The following PTPRD variants were observed in gnomAD, a reference collection of about 807,000 sequenced individuals.
The protein encoded by PTPRD is protein tyrosine phosphatase receptor type D.
A neutral mutation model predicts 214.5 loss-of-function variants in PTPRD; 34 were observed. The ratio of observed to expected loss-of-function variants is 0.16; its 90% CI spans 0.12 to 0.21. The LOEUF (loss-of-function observed/expected upper bound fraction) is 0.21, where lower values mean the gene tolerates loss of function less well. PTPRD is among the 10% of genes least tolerant of loss of function. The pLI is 1.00. For missense variants in PTPRD, 2,545 were observed against 2,398.7 expected, an observed-to-expected ratio of 1.06 and a Z score of -1.27; for synonymous variants, 1,128 against 845.7, an observed-to-expected ratio of 1.33 and a Z score of -5.79.
intron 8 of PTPRD, among the ~76,000 whole-genome samples, chr9:9,556,387 T>C (rs887972094): frequency 6.6e-6 from 1 of 152,004 alleles, no homozygotes; most frequent in African/African-American, 2.4e-5. Flanking sequence ...AGGAGGCACG[T>C]TTGGTGTAAC....
At chr9:9,435,268 T>C (rs1227161825) in intron 8 of PTPRD, among the ~76,000 whole-genome samples, 1 of 152,094 alleles carries the variant, frequency 6.6e-6, no homozygotes, top group Admixed American at 6.6e-5. Flanking sequence ...CTCAGCACTT[T>C]GGGAAGCTGA....
At chr9:8,449,530 C>G (rs1469344454) in intron 34 of PTPRD, among the ~76,000 whole-genome samples, 195 bp downstream of exon 34, 3 of 152,146 alleles carry the variant, frequency 2.0e-5, no homozygotes, top group Non-Finnish European at 4.4e-5. Flanking sequence ...TCTTCCCTAC[C>G]CAATTTCCGG....
intron 3 of PTPRD, among the ~76,000 whole-genome samples, chr9:10,246,631 A>C (rs2092151146): frequency 6.6e-6 from 1 of 152,178 alleles, no homozygotes; most frequent in Non-Finnish European, 1.5e-5. Flanking sequence ...GATGATGCCT[A>C]TGACGACAGT....
At chr9:10,438,473 G>C (rs72698989) in intron 2 of PTPRD, among the ~76,000 whole-genome samples, 34 of 151,822 alleles carry the variant, frequency 2.2e-4, no homozygotes, top group Non-Finnish European at 4.4e-4. Flanking sequence ...AGGAAAATCA[G>C]AGATAGACTT....
At chr9:9,362,611 C>G (rs1016164853) in intron 9 of PTPRD, among the ~76,000 whole-genome samples, 4 of 151,206 alleles carry the variant, frequency 2.6e-5, no homozygotes, top group African/African-American at 9.7e-5. Context: ...GGCATACTCT[C>G]TGTTCTTGAA....
intron 5 of PTPRD, among the ~76,000 whole-genome samples, chr9:9,896,879 C>A (rs2075119689): frequency 6.6e-6 from 1 of 151,890 alleles, no homozygotes; most frequent in African/African-American, 2.4e-5. Context: ...AACTGGAGAT[C>A]CATCCACTAA....
intron 5 of PTPRD, among the ~76,000 whole-genome samples, chr9:9,916,036 A>G (rs1248444933): frequency 6.6e-6 from 1 of 151,924 alleles, no homozygotes; most frequent in Non-Finnish European, 1.5e-5. Context: ...CAGAAACCTT[A>G]GAGGCAAGGA....
intron 11 of PTPRD, among the ~76,000 whole-genome samples, chr9:8,777,424 C>T (rs2095529550): frequency 6.6e-6 from 1 of 152,156 alleles, no homozygotes; most frequent in Admixed American, 6.5e-5. Flanking sequence ...AACAGCAAGA[C>T]ATTTTTACGT....
chr9:9,888,037 T>G (rs2071644660), intron 5 of PTPRD, among the ~76,000 whole-genome samples: 1 of 152,050 alleles, frequency 6.6e-6, no homozygotes, highest in African/African-American at 2.4e-5. Flanking sequence ...AACTGGCCCG[T>G]TAGCAAGGAT....
Position 8,315,709 on chromosome 9 carries a change from C to G in PTPRD, c.*2165G>C, listed in dbSNP as rs1056475159. ...AATACAATGCTTGCAAATGTTTGGT[C>G]TCTTGGATTTCACTCTGCTAGCAAT... On this transcript the variant is annotated 3_prime_UTR_variant, in exon 46 of 46. Transcript: ENST00000381196. The G allele has an allele frequency of 1.3e-5, 3 of 227,934 alleles. No homozygotes were observed. Among genetic ancestry groups the G allele is most frequent in the Non-Finnish European group, 2.6e-5 (3 of 114,822 alleles). 14.1% of individuals were successfully genotyped at this position (227,934 alleles called of 1,614,324 possible).
At chr9:10,549,687 A>G (rs2131020718) in intron 2 of PTPRD, among the ~76,000 whole-genome samples, 1 of 152,274 alleles carries the variant, frequency 6.6e-6, no homozygotes, top group African/African-American at 2.4e-5. Flanking sequence ...CTAGTCTGAG[A>G]GTATAAATCC....
chr9:9,464,089 G>T (rs1049035631), intron 8 of PTPRD, among the ~76,000 whole-genome samples: 1 of 152,134 alleles, frequency 6.6e-6, no homozygotes. Flanking sequence ...TTGAAGAGAT[G>T]GATTTGAGTC....
At chr9:8,389,436 G>T (rs2088586625) in intron 36 of PTPRD, 29 bp from the exon 37 acceptor site, 1 of 1,575,930 alleles carries the variant, frequency 6.3e-7, no homozygotes, top group Non-Finnish European at 8.6e-7. Flanking sequence ...TATTCAACCA[G>T]GTGAGCACAT....
At chr9:8,570,804 G>A (rs1177272243) in intron 14 of PTPRD, among the ~76,000 whole-genome samples, 1 of 151,888 alleles carries the variant, frequency 6.6e-6, no homozygotes, top group African/African-American at 2.4e-5. Context: ...CTCTTTGTCT[G>A]CACAAAGCAC....
At chr9:9,021,255 T>G (rs2154369871) in intron 10 of PTPRD, among the ~76,000 whole-genome samples, 1 of 152,228 alleles carries the variant, frequency 6.6e-6, no homozygotes, top group Admixed American at 6.5e-5. Context: ...ATGACAGTGG[T>G]TTCGTAAGCT....
At chr9:9,950,405 T>G (rs970340562) in intron 4 of PTPRD, among the ~76,000 whole-genome samples, 21 of 152,282 alleles carry the variant, frequency 1.4e-4, no homozygotes, top group African/African-American at 4.3e-4. Flanking sequence ...CCAACTGTCT[T>G]AAGACCTAGT....
At chr9:9,121,566 C>T (rs1183911913) in intron 10 of PTPRD, among the ~76,000 whole-genome samples, 1 of 152,090 alleles carries the variant, frequency 6.6e-6, no homozygotes, top group African/African-American at 2.4e-5. Context: ...TGAAGTAACT[C>T]AAGAATGGAA....
chr9:8,893,273 G>C (rs1230889853), intron 11 of PTPRD, among the ~76,000 whole-genome samples: 2 of 152,152 alleles, frequency 1.3e-5, no homozygotes, highest in African/African-American at 4.8e-5. Flanking sequence ...TCATTTAATG[G>C]ATTAGCATTG....
intron 41 of PTPRD, 48 bp downstream of exon 41, chr9:8,341,042 C>T (rs2132415633): frequency 1.3e-6 from 2 of 1,493,448 alleles, no homozygotes; most frequent in Middle Eastern, 1.8e-4. Context: ...AACTAGGGCA[C>T]ATGTAAATAT....
Sources: allele counts gnomAD v4.1 joint callset (sites outside exome capture counted in the v4.1 genomes callset), GRCh38; gene constraint gnomAD v4.1.1; transcripts MANE v1.5; gene names NCBI Gene and HGNC (gene_info 2026-07-23, HGNC 2026-07-21).